NPIPB11: variants seen among roughly 807,000 people sequenced by gnomAD.
NPIPB11 encodes the protein nuclear pore complex interacting protein family member B11.
A neutral mutation model predicts 32.8 loss-of-function variants in NPIPB11; 17 were observed. That is an observed-to-expected ratio of 0.52 (90% CI 0.35 to 0.78). The LOEUF (loss-of-function observed/expected upper bound fraction) is 0.78, where lower values mean the gene tolerates loss of function less well. NPIPB11 is among the 30% of genes least tolerant of loss of function. NPIPB11 has a pLI of 0.01. For missense variants in NPIPB11, 537 were observed against 1,000.4 expected, an observed-to-expected ratio of 0.54 and a Z score of 6.25; for synonymous variants, 209 against 398.4, an observed-to-expected ratio of 0.52 and a Z score of 5.66.
At chr16:29,391,923 G>A (rs1001349213) in intron 3 of NPIPB11, among the ~76,000 whole-genome samples, 1 of 151,940 alleles carries the variant, frequency 6.6e-6, no homozygotes, top group East Asian at 1.9e-4. Flanking sequence ...GTTTCACCAT[G>A]TTGGCCCATC....
chr16:29,402,555 A>G (rs1964015662), intron 2 of NPIPB11, among the ~76,000 whole-genome samples: 1 of 48,934 alleles, frequency 2.0e-5, no homozygotes, highest in Non-Finnish European at 3.0e-5. Context: ...TACAAAAATT[A>G]GCTGGGCATG....
At chr16:29,393,707 T>TA (rs1189915509) in intron 3 of NPIPB11, among the ~76,000 whole-genome samples, 1 of 151,996 alleles carries the variant, frequency 6.6e-6, no homozygotes, top group Non-Finnish European at 1.5e-5. Flanking sequence ...GCACAAAGGT[T>TA]AAAAAAACTT....
intron 5 of NPIPB11, among the ~76,000 whole-genome samples, chr16:29,389,289 G>A (rs531641855): frequency 2.3e-4 from 34 of 149,566 alleles, no homozygotes; most frequent in African/African-American, 7.4e-4. Context: ...TTCAAACTGG[G>A]AGGCAGAGGT....
At chr16:29,382,304 G>T (rs75421074) in exon 8 of NPIPB11, 23 of 1,591,884 alleles carry the variant, frequency 1.4e-5, no homozygotes, top group African/African-American at 1.4e-4. Flanking sequence ...CGCTCGGCAG[G>T]TGTCTTGATA....
chr16:29,390,481 C>T (rs1381833246), intron 3 of NPIPB11, 133 bp from the exon 4 acceptor site: 11 of 1,401,272 alleles, frequency 7.9e-6, no homozygotes, highest in African/African-American at 2.8e-5. Context: ...GGTGAAACCC[C>T]ATCTCTACTA....
chr16:29,389,694 A>G (rs1435000425), intron 5 of NPIPB11, among the ~76,000 whole-genome samples: 2 of 123,464 alleles, frequency 1.6e-5, no homozygotes, highest in African/African-American at 6.2e-5. Context: ...AAAAAAAAAA[A>G]AAAAGAGAAA....
At chr16:29,397,514 C>T (rs556270484) in intron 2 of NPIPB11, 10 of 1,484,326 alleles carry the variant, frequency 6.7e-6, no homozygotes, top group Middle Eastern at 2.5e-4. Context: ...TTTCATGCCG[C>T]GTGACACAGC....
intron 2 of NPIPB11, among the ~76,000 whole-genome samples, chr16:29,399,544 C>G (rs377073275): frequency 6.8e-6 from 1 of 147,422 alleles, no homozygotes; most frequent in African/African-American, 2.5e-5. Context: ...TAATAAAATA[C>G]AAAAATTAGC....
intron 2 of NPIPB11, among the ~76,000 whole-genome samples, chr16:29,398,829 G>T (rs1417444610): frequency 1.3e-5 from 2 of 151,986 alleles, no homozygotes; most frequent in African/African-American, 4.8e-5. Flanking sequence ...TGTGGCACAA[G>T]GTTGTGTGAT....
At chr16:29,397,003 C>G (rs1380658112) in intron 2 of NPIPB11, among the ~76,000 whole-genome samples, 1 of 151,434 alleles carries the variant, frequency 6.6e-6, no homozygotes, top group Admixed American at 6.6e-5. Flanking sequence ...CAAAAATTAG[C>G]CAGGCGTGGT....
At chr16:29,401,830 A>G (rs563038449) in intron 2 of NPIPB11, among the ~76,000 whole-genome samples, 3 of 152,074 alleles carry the variant, frequency 2.0e-5, no homozygotes, top group African/African-American at 2.4e-5. Flanking sequence ...GGATGAGGGC[A>G]TGTGGGGCAC....
upstream of NPIPB11, among the ~76,000 whole-genome samples, chr16:29,405,368 T>C: frequency 6.6e-6 from 1 of 152,104 alleles, no homozygotes; most frequent in East Asian, 1.9e-4. Flanking sequence ...CCAGCCATGA[T>C]TCATGGTCTT....
chr16:29,399,083 T>C (rs1403345984), intron 2 of NPIPB11, among the ~76,000 whole-genome samples: 1 of 150,628 alleles, frequency 6.6e-6, no homozygotes, highest in Non-Finnish European at 1.5e-5. Flanking sequence ...CCAGAGGGCT[T>C]GGCAGCATCA....
intron 2 of NPIPB11, among the ~76,000 whole-genome samples, chr16:29,401,833 T>G (rs943093132): frequency 3.3e-5 from 5 of 151,776 alleles, no homozygotes; most frequent in Admixed American, 6.6e-5. Context: ...TGAGGGCATG[T>G]GGGGCACAGG....
upstream of NPIPB11, among the ~76,000 whole-genome samples, chr16:29,404,766 C>T (rs1397218807): frequency 1.3e-5 from 2 of 148,416 alleles, no homozygotes; most frequent in African/African-American, 5.0e-5. Context: ...CTGGGTGATG[C>T]CAGGGCAGTG....
In NPIPB11 at chr16:29,382,302, A is replaced by G. The variant is rs80289402; in HGVS notation, c.2630T>C (p.Leu877Pro). ...CAGACGCTCCCCGCAGACGCTCGGC[A>G]GGTGTCTTGATATTATCATCTGCTG... Residue 877 changes from leucine to proline, a missense_variant, in exon 8 of 8, where the codon CTG becomes CCG. Physicochemically the swap from Leu to Pro is moderately conservative, Grantham distance 98 (BLOSUM62 -3). Transcript: ENST00000524087. 36 of 1,591,182 alleles carry G rather than the reference A, an allele frequency of 2.3e-5. 2 individuals carry two copies. The highest frequency in any genetic ancestry group is 2.9e-5 in the Non-Finnish European group (34 of 1,175,172).
intron 2 of NPIPB11, among the ~76,000 whole-genome samples, chr16:29,402,724 C>CTGCGTG (rs1555475885): frequency 5.1e-4 from 61 of 119,674 alleles, no homozygotes; most frequent in Admixed American, 2.8e-3. Flanking sequence ...CTCTCTCTCT[C>CTGCGTG]TGTGTGTGTG....
At chr16:29,400,735 G>T (rs1402364797) in intron 2 of NPIPB11, among the ~76,000 whole-genome samples, 1 of 152,086 alleles carries the variant, frequency 6.6e-6, no homozygotes, top group Admixed American at 6.5e-5. Context: ...GGGTCCCCAG[G>T]GGGCAGGTCC....
At chr16:29,394,453 A>G (rs1963801164) in intron 2 of NPIPB11, among the ~76,000 whole-genome samples, 1 of 147,704 alleles carries the variant, frequency 6.8e-6, no homozygotes, top group South Asian at 2.1e-4. Flanking sequence ...TTTTTGAGAC[A>G]GAGTTCCGCT....
Sources: allele counts gnomAD v4.1 joint callset (sites outside exome capture counted in the v4.1 genomes callset), GRCh38; gene constraint gnomAD v4.1.1; transcripts MANE v1.5; gene names NCBI Gene and HGNC (gene_info 2026-07-23, HGNC 2026-07-21).